The following PLXNA1 variants were observed in gnomAD, a reference collection of about 807,000 sequenced individuals.
The protein encoded by PLXNA1 is plexin-A1.
Under a neutral mutation model 191.7 loss-of-function variants are expected in PLXNA1, and 77 were observed. The ratio of observed to expected loss-of-function variants is 0.40; its 90% CI spans 0.33 to 0.49. PLXNA1 has a LOEUF of 0.49. Among genes scored for constraint, PLXNA1 ranks in the 20% least tolerant of loss-of-function variants. The probability of loss-of-function intolerance (pLI) is 0.63; values close to 1 mark genes in which losing one functional copy is unlikely to be tolerated. For synonymous variants in PLXNA1, 1,137 were observed against 1,156.4 expected (o/e 0.98, Z 0.34); for missense variants, 2,110 against 2,660.2 (o/e 0.79, Z 4.55).
chr3:127,020,379 C>A, intron 21 of PLXNA1, 35 bp downstream of exon 21: 1 of 1,606,458 alleles, frequency 6.2e-7, no homozygotes. Flanking sequence ...CACAGGAACT[C>A]AGAGGCAGCT....
rs369849074 is a variant in PLXNA1 at position 127,032,830 on chromosome 3, G to C, written c.5589G>C (p.Lys1863Asn). 6.2e-7 allele frequency: 1 copy of C among 1,612,984 alleles called. No homozygotes were observed. Among genetic ancestry groups the C allele is most frequent in the Admixed American group, 1.7e-5 (1 of 60,014 alleles). Residue 1863 changes from lysine to asparagine, a missense_variant, in exon 31 of 32, where the codon AAG becomes AAC. Physicochemically the swap from Lys to Asn is moderately conservative, Grantham distance 94. This residue lies in a region of PLXNA1 where 559 missense variants were observed against 911.5 expected (regional missense o/e 0.61). Transcript: ENST00000393409. ...HEIYSYITKY[K>N]DEILAALEKD... ...TCTACTCCTACATCACCAAGTACAA[G>C]GATGAGGTGAACACCGTGGGAGCCC...
At chr3:127,018,204 G>T in intron 19 of PLXNA1, 90 bp from the exon 20 acceptor site, 1 of 1,159,806 alleles carries the variant, frequency 8.6e-7, no homozygotes, top group South Asian at 1.5e-5. Flanking sequence ...CCACAGGCAG[G>T]TGTTGGGGGT....
intron 3 of PLXNA1, among the ~76,000 whole-genome samples, chr3:126,994,773 G>A (rs2079007040): frequency 6.6e-6 from 1 of 152,114 alleles, no homozygotes; most frequent in Non-Finnish European, 1.5e-5. Context: ...GGGTAAGGAG[G>A]GCCATGCTGA....
rs1014953151 is a variant in PLXNA1, at chr3:127,027,759, G to C, written c.4363-181G>C. 1.0e-5 allele frequency: 8 copies of C among 803,238 alleles called. No individual in the cohort carries two copies. In the Admixed American group the frequency reaches 1.2e-4, roughly 12 times the overall value. The allele number at this position is 803,238 out of a possible 1,614,324, so 49.8% of individuals were successfully genotyped here. ...GGATGGTGGGTATGTTTTGTTTCCT[G>C]ATTTTCTTGCAGTCTCTGCTGGGCT... On this transcript the variant is annotated intron_variant, in intron 23 of 31. Coordinates refer to ENST00000393409, the MANE Select transcript of PLXNA1 (RefSeq NM_032242.4).
chr3:127,017,591 C>T lies in PLXNA1; in HGVS notation c.3443C>T (p.Pro1148Leu). The T allele has an allele frequency of 6.2e-7, 1 of 1,613,772 alleles. No homozygotes were observed. The highest frequency in any genetic ancestry group is 8.5e-7 in the Non-Finnish European group (1 of 1,180,016). ...VLNSTSFLYY[P>L]DPVLEPLSPT... is the part of the protein sequence containing the mutation. ...AACTCCACCTCCTTCCTCTACTACC[C>T]TGACCCCGTACTGGAGCCACTCAGC... Residue 1148 changes from proline (P) to leucine (L), a missense_variant, in exon 18 of 32, where the codon CCT (proline) becomes CTT (leucine). This residue lies in a region of PLXNA1 where 644 missense variants were observed against 714.3 expected (regional missense o/e 0.90). Transcript: ENST00000393409.
Position 127,014,537 on chromosome 3 carries a change from C to T in PLXNA1, c.2664C>T (p.Asn888=). ...CGCGGCTCACTATCACAGGCGAGAA[C>T]CTGGGCCTGCGATTCGAAGACGTGC... ...GGTRLTITGE[N]LGLRFEDVRL... Residue 888 remains asparagine, a synonymous_variant, in exon 13 of 32, where the codon AAC becomes AAT. Coordinates refer to ENST00000393409, the MANE Select transcript of PLXNA1 (RefSeq NM_032242.4). 3 of 1,611,182 alleles carry T rather than the reference C, an allele frequency of 1.9e-6. No homozygotes were observed. The highest frequency in any genetic ancestry group is 2.2e-5 in the South Asian group (2 of 91,084).
Position 127,017,002 on chromosome 3 carries a change from A to T in PLXNA1, c.3241A>T (p.Ile1081Phe). The change falls in exon 17 of 32, where the codon ATC becomes TTC. Residue 1081 changes from isoleucine (I) to phenylalanine (F), a missense_variant. Transcript: ENST00000393409. ...CCTGGCCACTGTCCGTGAACCCCGA[A>T]TCCGGGCCAAGTATGGAGGCATTGA... ...TNLATVREPR[I>F]RAKYGGIERE... 1 of 1,613,472 alleles carries T rather than the reference A, an allele frequency of 6.2e-7. No individual in the cohort carries two copies. Among genetic ancestry groups the T allele is most frequent in the South Asian group, 1.1e-5 (1 of 91,082 alleles).
intron 3 of PLXNA1, among the ~76,000 whole-genome samples, chr3:126,991,913 G>A (rs1020291390): frequency 2.0e-5 from 3 of 152,126 alleles, no homozygotes; most frequent in Admixed American, 1.3e-4. Flanking sequence ...GCAGGCCTGC[G>A]CGGCCCCCTC....
chr3:127,023,381 T>C (rs1037265718), intron 23 of PLXNA1, among the ~76,000 whole-genome samples: 9 of 152,228 alleles, frequency 5.9e-5, no homozygotes, highest in Non-Finnish European at 1.0e-4. Context: ...GCACTTTCGA[T>C]GTTGGGACTT....
At chr3:126,995,039 G>A (rs567780994) in intron 3 of PLXNA1, among the ~76,000 whole-genome samples, 3 of 152,228 alleles carry the variant, frequency 2.0e-5, no homozygotes, top group African/African-American at 7.2e-5. Context: ...TCTTTCCCAG[G>A]CCAGTCTTTT....
Position 127,014,843 on chromosome 3 carries a change from G to A in PLXNA1, c.2877+12G>A. The A allele has an allele frequency of 6.2e-7, 1 of 1,609,760 alleles. No individual in the cohort carries two copies. Among genetic ancestry groups the A allele is most frequent in the Non-Finnish European group, 8.5e-7 (1 of 1,178,522 alleles). On this transcript the variant is annotated intron_variant, in intron 14 of 31. Transcript: ENST00000393409. ...GCTTCACCTTCGTGGTGAGTCTGCT[G>A]CCCTCCCTCTCTCCCTATTCTCTGC...
rs1049960741 is a variant in PLXNA1 at position 127,008,576 on chromosome 3, C to T, written c.2112+663C>T. ...AAAGCTGAGGCCGGAGCTGTGGCAG[C>T]CCCCACCCCCATCCCCACCGGGTCT... On this transcript the variant is annotated intron_variant, in intron 9 of 31. Coordinates refer to ENST00000393409, the MANE Select transcript of PLXNA1 (RefSeq NM_032242.4). Among the ~76,000 whole-genome samples the T allele has an allele frequency of 2.6e-5, 4 of 152,262 alleles. No individual in the cohort carries two copies. The East Asian group carries it at 7.7e-4, about 29-fold the overall frequency.
At chr3:127,031,141 G>A (rs530007469) in intron 29 of PLXNA1, among the ~76,000 whole-genome samples, 101 of 152,262 alleles carry the variant, frequency 6.6e-4, no homozygotes, top group African/African-American at 2.0e-3. Context: ...CAGCAATGTT[G>A]GCTTCCTCTC....
rs774237521 is a variant in PLXNA1, at chr3:127,016,661, C to T, written c.3159C>T (p.Ile1053=). ...NYTEDPTILR[I]DPEWSINSGG... ...CCGAGGACCCCACCATCCTGAGGAT[C>T]GACCCCGAGTGGAGCATCAACAGGT... The change falls in exon 16 of 32, where the codon ATC becomes ATT. Residue 1053 remains isoleucine (I), a synonymous_variant. Transcript: ENST00000393409. 8.7e-6 allele frequency: 14 copies of T among 1,613,908 alleles called. No homozygotes were observed. The highest frequency in any genetic ancestry group is 1.2e-5 in the Non-Finnish European group (14 of 1,179,972).
chr3:126,994,737 T>A (rs1168222611), intron 3 of PLXNA1, among the ~76,000 whole-genome samples: 1 of 152,162 alleles, frequency 6.6e-6, no homozygotes, highest in Non-Finnish European at 1.5e-5. Flanking sequence ...TGTGTGGGGC[T>A]GGCTGTGGTC....
At chr3:126,991,975 A>T (rs1165423669) in intron 3 of PLXNA1, among the ~76,000 whole-genome samples, 1 of 151,816 alleles carries the variant, frequency 6.6e-6, no homozygotes, top group Non-Finnish European at 1.5e-5. Context: ...CTGCCTCAGC[A>T]CTCTGCCGGG....
chr3:127,008,307 G>A lies in PLXNA1; in HGVS notation c.2112+394G>A, dbSNP rs370398012. Among the ~76,000 whole-genome samples the A allele has an allele frequency of 1.6e-3, 237 of 152,276 alleles. 2 individuals are homozygous for A. Among genetic ancestry groups the A allele is most frequent in the African/African-American group, 4.1e-3 (169 of 41,536 alleles). On this transcript the variant is annotated intron_variant, in intron 9 of 31. Transcript: ENST00000393409. ...GGTGCGGGCAGAGCCTGGAGTGCGG[G>A]TGCCTGGCTGGGCAGGCACAGAGGC...
intron 3 of PLXNA1, among the ~76,000 whole-genome samples, chr3:126,995,806 G>A (rs761470537): frequency 2.0e-5 from 3 of 152,222 alleles, no homozygotes; most frequent in Non-Finnish European, 4.4e-5. Flanking sequence ...CCCTGGTGAA[G>A]CCCCATCCTC....
In PLXNA1 at chr3:127,034,144, GCCCT is replaced by G; in HGVS notation, c.*135_*138del. 1 of 828,864 alleles carries G rather than the reference GCCCT, an allele frequency of 1.2e-6. No individual in the cohort carries two copies. The highest frequency in any genetic ancestry group is 1.9e-6 in the Non-Finnish European group (1 of 533,218). The allele number at this position is 828,864 out of a possible 1,614,324, so 51.3% of individuals were successfully genotyped here. A position where few individuals can be genotyped will look rare whatever the true frequency, so the allele number is the denominator to read the frequency against. ...GCCGCCGCAGTGCAGCGACTGCCCGGCCCTCCCTCCCCTGCCTCACCCGGTCGGG... is the reference window on the plus strand; with the variant it reads ...GCCGCCGCAGTGCAGCGACTGCCCGGCCCTCCCCTGCCTCACCCGGTCGGG... On this transcript the variant is annotated 3_prime_UTR_variant, in exon 32 of 32. Coordinates refer to ENST00000393409, the MANE Select transcript of PLXNA1 (RefSeq NM_032242.4).
Sources: allele counts gnomAD v4.1 joint callset (sites outside exome capture counted in the v4.1 genomes callset), GRCh38; gene constraint gnomAD v4.1.1; regional missense constraint gnomAD v4.1.1; transcripts MANE v1.5; gene names NCBI Gene and HGNC (gene_info 2026-07-23, HGNC 2026-07-21).